ANKDD1B: variants seen among roughly 807,000 people sequenced by gnomAD.
The protein encoded by ANKDD1B is ankyrin repeat and death domain containing 1B.
ANKDD1B carries 57 observed loss-of-function variants against 59.7 expected under a neutral mutation model. The ratio of observed to expected loss-of-function variants is 0.95; its 90% CI spans 0.77 to 1.19. ANKDD1B has a LOEUF of 1.19. Among genes scored for constraint, ANKDD1B ranks in the 50% most tolerant of loss-of-function variants. ANKDD1B has a pLI of 0.00. For synonymous variants in ANKDD1B, 216 were observed against 239.5 expected, an observed-to-expected ratio of 0.90 and a Z score of 0.91; for missense variants, 602 against 641.9, an observed-to-expected ratio of 0.94 and a Z score of 0.67.
At chr5:75,648,268 A>T (rs1420788757) in intron 7 of ANKDD1B, among the ~76,000 whole-genome samples, 18 of 23,024 alleles carry the variant, frequency 7.8e-4, no homozygotes, top group African/African-American at 2.7e-3. Context: ...AAAAAAAATT[A>T]AAAAAAAAAA....
chr5:75,640,356 T>C (rs1426209888), intron 7 of ANKDD1B, among the ~76,000 whole-genome samples: 5 of 152,196 alleles, frequency 3.3e-5, no homozygotes, highest in Admixed American at 1.3e-4. Flanking sequence ...TTTGACACTT[T>C]TCAGCTGAGG....
chr5:75,661,396 GAAAAAAAAA>G (rs11357068), intron 10 of ANKDD1B, among the ~76,000 whole-genome samples: 5 of 36,814 alleles, frequency 1.4e-4, no homozygotes, highest in Admixed American at 5.2e-4. Context: ...AACTCCGTCT[GAAAAAAAAA>G]AAAAAAAAAA....
intron 5 of ANKDD1B, among the ~76,000 whole-genome samples, chr5:75,633,892 A>G (rs1256108938): frequency 2.0e-5 from 3 of 152,170 alleles, no homozygotes; most frequent in Admixed American, 6.5e-5. Flanking sequence ...GTGGGACTAG[A>G]TTCATTCTCA....
chr5:75,618,110 G>GA (rs1194112049), intron 2 of ANKDD1B, among the ~76,000 whole-genome samples: 14 of 142,784 alleles, frequency 9.8e-5, no homozygotes, highest in African/African-American at 2.6e-4. Flanking sequence ...GGGACAAAAA[G>GA]AAAAAAAAAG....
rs1773973661 is a variant in ANKDD1B at position 75,625,673 on chromosome 5, A to T, written c.423A>T (p.Ala141=). The T allele has an allele frequency of 2.0e-6, 3 of 1,536,346 alleles. No homozygotes were observed. Among genetic ancestry groups the T allele is most frequent in the Non-Finnish European group, 2.6e-6 (3 of 1,147,000 alleles). ...DKHGLTVIHL[A]AWSGSLEVML... is the part of the protein sequence containing the mutation. ...ACGGCTTGACAGTAATTCACCTTGCAGCCTGGTCTGGGAGCCTTGAGGTCA... is the reference window on the plus strand; with the variant it reads ...ACGGCTTGACAGTAATTCACCTTGCTGCCTGGTCTGGGAGCCTTGAGGTCA... The change falls in exon 4 of 14, where the codon GCA becomes GCT. Residue 141 remains alanine, a synonymous_variant. Coordinates refer to ENST00000601380, the MANE Select transcript of ANKDD1B (RefSeq NM_001276713.2).
intron 5 of ANKDD1B, 160 bp from the exon 6 acceptor site, chr5:75,634,738 A>G: frequency 1.8e-6 from 1 of 553,928 alleles, no homozygotes; most frequent in African/African-American, 1.9e-5. Context: ...GAAAACCCAG[A>G]ACCTGATCTG....
intron 9 of ANKDD1B, 109 bp from the exon 10 acceptor site, chr5:75,659,173 CA>C (rs1194236597): frequency 1.4e-6 from 1 of 730,570 alleles, no homozygotes; most frequent in Non-Finnish European, 2.4e-6. Context: ...CCCCAGTATC[CA>C]TTAAAAAATA....
At position 75,659,277 on chromosome 5, in the gene ANKDD1B, T is replaced by C; in HGVS notation, c.997-6T>C. On this transcript the variant is annotated splice_region_variant and splice_polypyrimidine_tract_variant and intron_variant, in intron 9 of 13. Coordinates refer to ENST00000601380, the MANE Select transcript of ANKDD1B (RefSeq NM_001276713.2). ...AAGTTTGTTCCCCTCCTTAATTTCA[T>C]GGCAGAAGCAGCAAACCCCTCTGCA... The C allele has an allele frequency of 6.5e-7, 1 of 1,534,084 alleles. No individual in the cohort carries two copies. Among genetic ancestry groups the C allele is most frequent in the Admixed American group, 2.0e-5 (1 of 51,006 alleles).
chr5:75,659,404 A>C (rs1775058689), intron 10 of ANKDD1B, 23 bp downstream of exon 10: 2 of 1,491,866 alleles, frequency 1.3e-6, no homozygotes, highest in South Asian at 2.4e-5. Context: ...ACTTTACTCC[A>C]TTCAGCTGAG....
chr5:75,625,614 G>A, intron 3 of ANKDD1B, 33 bp from the exon 4 acceptor site: 1 of 1,509,580 alleles, frequency 6.6e-7, no homozygotes, highest in Non-Finnish European at 8.9e-7. Context: ...TTGTCAGAGT[G>A]ATAGATTCTC....
intron 5 of ANKDD1B, among the ~76,000 whole-genome samples, chr5:75,628,390 T>C (rs1774046750): frequency 6.6e-6 from 1 of 152,182 alleles, no homozygotes; most frequent in Admixed American, 6.5e-5. Flanking sequence ...ATGTGTACTT[T>C]ACCATAATAA....
In ANKDD1B at chr5:75,624,172, G is replaced by A. The variant is rs560764748; in HGVS notation, c.397-1475G>A. Among the ~76,000 whole-genome samples the A allele has an allele frequency of 7.0e-4, 106 of 152,274 alleles. No individual in the cohort carries two copies. The South Asian group carries it at 0.01, about 15-fold the overall frequency. Reference sequence around the variant, plus strand: ...TGGATTACTTTTTCATGGAGCTAAAGGAAACAGAAAAACAGACACTTGAGT... The same window carrying A: ...TGGATTACTTTTTCATGGAGCTAAAAGAAACAGAAAAACAGACACTTGAGT... On this transcript the variant is annotated intron_variant, in intron 3 of 13. Coordinates refer to ENST00000601380, the MANE Select transcript of ANKDD1B (RefSeq NM_001276713.2).
At chr5:75,657,980 G>A (rs1775018538) in intron 9 of ANKDD1B, among the ~76,000 whole-genome samples, 1 of 151,656 alleles carries the variant, frequency 6.6e-6, no homozygotes, top group Non-Finnish European at 1.5e-5. Flanking sequence ...GGGTGGCCAA[G>A]ATAGGAGGAT....
chr5:75,619,726 T>C (rs561644166), intron 2 of ANKDD1B, among the ~76,000 whole-genome samples: 1 of 152,204 alleles, frequency 6.6e-6, no homozygotes, highest in South Asian at 2.1e-4. Flanking sequence ...AGCATCATGT[T>C]GACTTTCCTT....
intron 11 of ANKDD1B, 132 bp from the exon 12 acceptor site, chr5:75,666,660 G>T: frequency 6.4e-6 from 4 of 628,274 alleles, no homozygotes; most frequent in South Asian, 2.2e-5. Context: ...ATATGATCCA[G>T]TGACAGGAGG....
intron 8 of ANKDD1B, among the ~76,000 whole-genome samples, chr5:75,655,591 C>T (rs1774952095): frequency 6.6e-6 from 1 of 152,170 alleles, no homozygotes; most frequent in Admixed American, 6.5e-5. Context: ...TCAGAATAGT[C>T]TTTTCTGACC....
At chr5:75,621,709 A>G (rs543183755) in intron 3 of ANKDD1B, among the ~76,000 whole-genome samples, 2 of 152,306 alleles carry the variant, frequency 1.3e-5, no homozygotes, top group Admixed American at 1.3e-4. Flanking sequence ...ATATCTGAGG[A>G]TTGCCATGTT....
At chr5:75,666,652 ATG>A in intron 11 of ANKDD1B, 138 bp from the exon 12 acceptor site, 1 of 595,572 alleles carries the variant, frequency 1.7e-6, no homozygotes. Context: ...AAATATATAT[ATG>A]ATCCAGTGAC....
intron 1 of ANKDD1B, among the ~76,000 whole-genome samples, chr5:75,615,830 T>G (rs1773703618): frequency 6.6e-6 from 1 of 152,122 alleles, no homozygotes; most frequent in African/African-American, 2.4e-5. Flanking sequence ...CTGAGGTACT[T>G]GGGGTTAGGA....
Sources: gnomAD v4.1 joint callset for allele counts (sites outside exome capture counted in the v4.1 genomes callset) on GRCh38, gnomAD v4.1.1 for gene constraint, MANE v1.5 for transcripts, NCBI Gene and HGNC (gene_info 2026-07-23, HGNC 2026-07-21) for gene names.